Variants in FRMD4B observed in about 807,000 individuals in gnomAD.
FRMD4B encodes the protein FERM domain containing 4B.
A neutral mutation model predicts 141.5 loss-of-function variants in FRMD4B; 74 were observed. That is an observed-to-expected ratio of 0.52 (90% CI 0.43 to 0.63). FRMD4B has a LOEUF of 0.63. Ranked by LOEUF, FRMD4B falls within the 30% of genes least tolerant of loss-of-function variation. The pLI is 0.00. For synonymous variants in FRMD4B, 506 were observed against 467.9 expected (o/e 1.08, Z -1.05); for missense variants, 1,366 against 1,253.4 (o/e 1.09, Z -1.36).
At chr3:69,326,767 T>G (rs1702205294) in intron 1 of FRMD4B, among the ~76,000 whole-genome samples, 1 of 152,240 alleles carries the variant, frequency 6.6e-6, no homozygotes, top group South Asian at 2.1e-4. Context: ...AAAAGCAAGA[T>G]TCTCTTTATA....
At position 69,379,516 on chromosome 3, in the gene FRMD4B, T is replaced by G. The variant is rs111436633; in HGVS notation, c.162+6312A>C. Among the ~76,000 whole-genome samples, 79 of 152,306 alleles carry G rather than the reference T, an allele frequency of 5.2e-4. 2 individuals carry two copies. The highest frequency in any genetic ancestry group is 6.8e-3 in the Middle Eastern group (2 of 294). On this transcript the variant is annotated intron_variant, in intron 1 of 22. Transcript: ENST00000398540. ...CTGGTCTCAAACTCCTGGGCTCAAG[T>G]GACCTGCCCGCCTTGGCCTCCCAAA...
At chr3:69,283,994 A>G (rs1226141481) in intron 5 of FRMD4B, among the ~76,000 whole-genome samples, 3 of 151,742 alleles carry the variant, frequency 2.0e-5, no homozygotes, top group African/African-American at 4.8e-5. Context: ...CAAAAAACAG[A>G]CAAAATATAT....
At chr3:69,526,951 A>G (rs1308637338) in intron 1 of FRMD4B, among the ~76,000 whole-genome samples, 1 of 152,142 alleles carries the variant, frequency 6.6e-6, no homozygotes, top group Admixed American at 6.5e-5. Flanking sequence ...TCCTGACTTG[A>G]TACATGAAAC....
chr3:69,514,383 T>C (rs1212401141), intron 1 of FRMD4B, among the ~76,000 whole-genome samples: 1 of 151,836 alleles, frequency 6.6e-6, no homozygotes, highest in Non-Finnish European at 1.5e-5. Flanking sequence ...CTACAAAACA[T>C]TGCTGAAAAA....
intron 1 of FRMD4B, among the ~76,000 whole-genome samples, chr3:69,332,131 A>C (rs1475534432): frequency 6.6e-6 from 1 of 151,826 alleles, no homozygotes; most frequent in African/African-American, 2.4e-5. Flanking sequence ...ATTGATACAG[A>C]CTCCTTCAGG....
chr3:69,187,363 T>C (rs1168901626), intron 19 of FRMD4B, among the ~76,000 whole-genome samples: 1 of 151,410 alleles, frequency 6.6e-6, no homozygotes, highest in Non-Finnish European at 1.5e-5. Flanking sequence ...CGGACCAACA[T>C]GGAGAAACCC....
At chr3:69,212,027 C>CA (rs386396974) in intron 11 of FRMD4B, among the ~76,000 whole-genome samples, 2 of 22,588 alleles carry the variant, frequency 8.9e-5, no homozygotes, top group Admixed American at 1.3e-3. Flanking sequence ...AGAGTAGACA[C>CA]CCCCCAAAAA....
At chr3:69,209,333 C>T (rs181043425) in intron 11 of FRMD4B, among the ~76,000 whole-genome samples, 5 of 152,124 alleles carry the variant, frequency 3.3e-5, no homozygotes, top group Admixed American at 2.6e-4. Flanking sequence ...CCATGTTTTA[C>T]GAGAACTGCT....
At chr3:69,326,037 C>T (rs945419494) in intron 1 of FRMD4B, among the ~76,000 whole-genome samples, 6 of 152,088 alleles carry the variant, frequency 3.9e-5, no homozygotes, top group Admixed American at 3.3e-4. Context: ...TAGCTTCAGC[C>T]TCCTGGGCTC....
At chr3:69,482,945 A>G (rs1018699613) in intron 1 of FRMD4B, among the ~76,000 whole-genome samples, 1 of 152,188 alleles carries the variant, frequency 6.6e-6, no homozygotes, top group African/African-American at 2.4e-5. Flanking sequence ...AAGAGCAGAC[A>G]CTCGGCTAGG....
At chr3:69,211,022 C>CAAAAAAAAAAAAAAAAAAA (rs1559720205) in intron 11 of FRMD4B, among the ~76,000 whole-genome samples, 1 of 3,370 alleles carries the variant, frequency 3.0e-4, no homozygotes, top group African/African-American at 5.9e-4. Flanking sequence ...AATGCCATCT[C>CAAAAAAAAAAAAAAAAAAA]GAAAAAAAAA....
intron 1 of FRMD4B, among the ~76,000 whole-genome samples, chr3:69,511,217 T>C (rs2107100213): frequency 6.8e-6 from 1 of 146,822 alleles, no homozygotes; most frequent in African/African-American, 2.5e-5. Context: ...AATCTATTTA[T>C]TTTGCATTTC....
chr3:69,176,543 G>T lies in FRMD4B; in HGVS notation c.2965C>A (p.Pro989Thr), dbSNP rs765092365. ...YTSCYGNVYN[P>T]LPSPSRQYTE... ...CCTCACCTGCTTGGAGAGGGTAAAGGATTATAGACATTGCCATAGCAGCTG... is the reference window on the plus strand; with the variant it reads ...CCTCACCTGCTTGGAGAGGGTAAAGTATTATAGACATTGCCATAGCAGCTG... Residue 989 changes from proline to threonine, a missense_variant, in exon 22 of 23, where the codon CCT becomes ACT. Pro to Thr is a conservative substitution (Grantham distance 38). Coordinates refer to ENST00000398540, the MANE Select transcript of FRMD4B (RefSeq NM_015123.3). The T allele has an allele frequency of 2.5e-6, 4 of 1,612,480 alleles. No homozygotes were observed. The highest frequency in any genetic ancestry group is 1.3e-5 in the African/African-American group (1 of 74,996).
At chr3:69,230,546 G>A (rs2093297235) in intron 7 of FRMD4B, among the ~76,000 whole-genome samples, 1 of 151,682 alleles carries the variant, frequency 6.6e-6, no homozygotes, top group South Asian at 2.1e-4. Context: ...AGGAGTTTGA[G>A]ACCAGTCTGA....
intron 1 of FRMD4B, among the ~76,000 whole-genome samples, chr3:69,519,997 CATATATATATATATAT>C (rs71618288): frequency 1.1e-5 from 1 of 88,388 alleles, no homozygotes. Context: ...AGTAGTATTC[CATATATATATATATAT>C]ATATATATAT....
chr3:69,303,830 A>AGG (rs1370446033), intron 3 of FRMD4B, among the ~76,000 whole-genome samples: 1 of 152,154 alleles, frequency 6.6e-6, no homozygotes, highest in Non-Finnish European at 1.5e-5. Context: ...GCTACTATGG[A>AGG]GGCTGAAGTG....
At chr3:69,329,800 G>A (rs1290573677) in intron 1 of FRMD4B, among the ~76,000 whole-genome samples, 3 of 151,812 alleles carry the variant, frequency 2.0e-5, no homozygotes, top group Admixed American at 6.6e-5. Flanking sequence ...CCAAAGTGCC[G>A]GGATTTGTTA....
intron 7 of FRMD4B, among the ~76,000 whole-genome samples, chr3:69,232,266 C>T (rs2093313134): frequency 6.8e-6 from 1 of 147,626 alleles, no homozygotes. Flanking sequence ...AGAGAGAATG[C>T]CCATAAATCT....
intron 1 of FRMD4B, 88 bp from the exon 2 acceptor site, chr3:69,313,605 A>C: frequency 2.5e-6 from 2 of 793,236 alleles, no homozygotes; most frequent in Non-Finnish European, 4.2e-6. Context: ...TTTATATGAG[A>C]TGGGCTCAGC....
Sources: allele counts gnomAD v4.1 joint callset (sites outside exome capture counted in the v4.1 genomes callset), GRCh38; gene constraint gnomAD v4.1.1; transcripts MANE v1.5; gene names NCBI Gene and HGNC (gene_info 2026-07-23, HGNC 2026-07-21).